Variants in LUZP2 observed in about 807,000 individuals in gnomAD.
The protein encoded by LUZP2 is leucine zipper protein 2.
LUZP2 carries 52 observed loss-of-function variants against 51.6 expected under a neutral mutation model. That is an observed-to-expected ratio of 1.01 (90% CI 0.81 to 1.27). The LOEUF (loss-of-function observed/expected upper bound fraction) is 1.27, where lower values mean the gene tolerates loss of function less well. LUZP2 is among the 50% of genes most tolerant of loss of function. The pLI, the probability that LUZP2 is intolerant of heterozygous loss-of-function variation, is 0.00. For missense variants in LUZP2, 436 were observed against 395.4 expected (o/e 1.10, Z -0.87); for synonymous variants, 154 against 137.3 (o/e 1.12, Z -0.85).
At chr11:24,772,654 A>G (rs1848779086) in intron 5 of LUZP2, among the ~76,000 whole-genome samples, 2 of 152,166 alleles carry the variant, frequency 1.3e-5, no homozygotes, top group African/African-American at 4.8e-5. Flanking sequence ...TAAAAAGTAT[A>G]AAAAAGTATG....
intron 1 of LUZP2, among the ~76,000 whole-genome samples, chr11:24,638,559 C>G (rs556517476): frequency 6.6e-6 from 1 of 151,538 alleles, no homozygotes; most frequent in South Asian, 2.1e-4. Flanking sequence ...TACTACATGG[C>G]TAAAGCAGGG....
At chr11:24,651,892 A>G (rs1855633955) in intron 1 of LUZP2, among the ~76,000 whole-genome samples, 2 of 152,120 alleles carry the variant, frequency 1.3e-5, no homozygotes, top group African/African-American at 4.8e-5. Flanking sequence ...TCTTCAGCCT[A>G]CAGTCTACCT....
At chr11:24,873,596 G>C (rs1416829481) in intron 5 of LUZP2, among the ~76,000 whole-genome samples, 1 of 152,134 alleles carries the variant, frequency 6.6e-6, no homozygotes, top group Non-Finnish European at 1.5e-5. Context: ...CAGGCACTGA[G>C]GAGAGATGTG....
intron 5 of LUZP2, chr11:24,786,091 T>C: frequency 3.0e-6 from 3 of 985,342 alleles, no homozygotes; most frequent in Non-Finnish European, 3.6e-6. Flanking sequence ...GCACCTGGTA[T>C]ATGACTGTAT....
intron 1 of LUZP2, among the ~76,000 whole-genome samples, chr11:24,545,683 C>T (rs1395572480): frequency 6.7e-6 from 1 of 149,948 alleles, no homozygotes; most frequent in Non-Finnish European, 1.5e-5. Context: ...GTTTTGGTTG[C>T]TGTAGCACCA....
Position 24,689,426 on chromosome 11 carries a change from C to T in LUZP2, c.63-39743C>T, listed in dbSNP as rs550327533. ...AACTCTGTTATTTTGTCTCTTAGTG[C>T]GTATGCTTGAGCCTGCTCACCCAGC... On this transcript the variant is annotated intron_variant, in intron 1 of 11. Coordinates refer to ENST00000336930, the MANE Select transcript of LUZP2 (RefSeq NM_001009909.4). 5.3e-5 allele frequency among the ~76,000 whole-genome samples: 8 copies of T among 152,266 alleles called. No homozygotes were observed. The East Asian group carries it at 1.5e-3, about 29-fold the overall frequency.
At chr11:24,528,792 G>A (rs1357284434) in intron 1 of LUZP2, among the ~76,000 whole-genome samples, 1 of 151,042 alleles carries the variant, frequency 6.6e-6, no homozygotes, top group African/African-American at 2.4e-5. Context: ...TATCTTACAA[G>A]GCTTTTCTGG....
At chr11:24,732,726 T>C (rs1434295810) in intron 3 of LUZP2, among the ~76,000 whole-genome samples, 1 of 151,766 alleles carries the variant, frequency 6.6e-6, no homozygotes, top group African/African-American at 2.4e-5. Context: ...GATTTTTAAA[T>C]TGCTTTTCCA....
chr11:25,015,893 A>ATT (rs1178950711), intron 9 of LUZP2, among the ~76,000 whole-genome samples: 179 of 139,364 alleles, frequency 1.3e-3, no homozygotes, highest in African/African-American at 5.2e-3. Context: ...TGAAGTGTGA[A>ATT]TTTCTTTTTT....
chr11:24,859,775 G>A (rs569876896), intron 5 of LUZP2, among the ~76,000 whole-genome samples: 8 of 152,306 alleles, frequency 5.3e-5, no homozygotes, highest in Admixed American at 4.6e-4. Context: ...GCCAAAGGAG[G>A]CGATGAGTGA....
At chr11:24,765,841 T>A (rs1328411693) in intron 5 of LUZP2, among the ~76,000 whole-genome samples, 1 of 152,082 alleles carries the variant, frequency 6.6e-6, no homozygotes, top group Admixed American at 6.5e-5. Context: ...TTAGCCAGGA[T>A]GGTCTCCATC....
chr11:24,787,221 A>G (rs946404273), intron 5 of LUZP2, among the ~76,000 whole-genome samples: 1 of 152,182 alleles, frequency 6.6e-6, no homozygotes, highest in African/African-American at 2.4e-5. Flanking sequence ...GAAGCTGAAC[A>G]TTGAAGTATC....
At chr11:24,900,616 A>C (rs1376282734) in intron 5 of LUZP2, among the ~76,000 whole-genome samples, 1 of 152,192 alleles carries the variant, frequency 6.6e-6, no homozygotes, top group Non-Finnish European at 1.5e-5. Context: ...CCTAGCTGAT[A>C]TGTTAAGCAG....
intron 4 of LUZP2, among the ~76,000 whole-genome samples, chr11:24,741,892 T>C (rs1859161219): frequency 1.5e-5 from 2 of 129,622 alleles, no homozygotes; most frequent in African/African-American, 6.9e-5. Flanking sequence ...TATATTTATA[T>C]ACATATATAT....
intron 9 of LUZP2, among the ~76,000 whole-genome samples, chr11:25,049,367 T>C (rs534890744): frequency 2.6e-5 from 4 of 152,186 alleles, no homozygotes; most frequent in African/African-American, 9.6e-5. Flanking sequence ...GAATGGATAA[T>C]CTTAAACCTA....
intron 5 of LUZP2, among the ~76,000 whole-genome samples, chr11:24,765,837 A>G (rs1860170413): frequency 6.6e-6 from 1 of 152,066 alleles, no homozygotes; most frequent in Non-Finnish European, 1.5e-5. Flanking sequence ...TGTGTTAGCC[A>G]GGATGGTCTC....
At chr11:24,699,086 AACACACACACACAC>A (rs67317108) in intron 1 of LUZP2, among the ~76,000 whole-genome samples, 14 of 138,460 alleles carry the variant, frequency 1.0e-4, no homozygotes, top group East Asian at 4.5e-4. Flanking sequence ...AAACCACAGA[AACACACACACACAC>A]ACACACACAC....
At chr11:24,852,492 A>G (rs1851427805) in intron 5 of LUZP2, among the ~76,000 whole-genome samples, 1 of 151,810 alleles carries the variant, frequency 6.6e-6, no homozygotes, top group Admixed American at 6.6e-5. Flanking sequence ...GATTTCCCTT[A>G]TTTTGCATTT....
At chr11:24,566,562 A>G (rs1370593270) in intron 1 of LUZP2, among the ~76,000 whole-genome samples, 1 of 145,820 alleles carries the variant, frequency 6.9e-6, no homozygotes, top group Non-Finnish European at 1.5e-5. Context: ...ATGTATGTGT[A>G]TATATATCTA....
Sources: gnomAD v4.1 joint callset for allele counts (sites outside exome capture counted in the v4.1 genomes callset) on GRCh38, gnomAD v4.1.1 for gene constraint, MANE v1.5 for transcripts, NCBI Gene and HGNC (gene_info 2026-07-23, HGNC 2026-07-21) for gene names.